USP34: variants seen among roughly 807,000 people sequenced by gnomAD.
USP34 encodes ubiquitin specific peptidase 34.
USP34 carries 70 observed loss-of-function variants against 460.3 expected under a neutral mutation model. That is an observed-to-expected ratio of 0.15 (90% CI 0.13 to 0.19). USP34 has a LOEUF of 0.19. Ranked by LOEUF, USP34 falls within the 10% of genes least tolerant of loss-of-function variation. USP34 has a pLI of 1.00. For missense variants in USP34, 3,985 were observed against 4,236.2 expected (o/e 0.94, Z 1.65); for synonymous variants, 1,647 against 1,405.3 (o/e 1.17, Z -3.85).
At chr2:61,284,839 T>C (rs1689640685) in intron 35 of USP34, 36 bp downstream of exon 35, 2 of 1,512,124 alleles carry the variant, frequency 1.3e-6, no homozygotes, top group South Asian at 1.2e-5. Context: ...ATTCCTGCTA[T>C]ACATACACAC....
intron 10 of USP34, among the ~76,000 whole-genome samples, chr2:61,365,943 C>T (rs1692424654): frequency 1.6e-5 from 1 of 63,808 alleles, no homozygotes; most frequent in African/African-American, 4.5e-5. Flanking sequence ...ACTGGGAACA[C>T]CTATTTATTT....
intron 1 of USP34, among the ~76,000 whole-genome samples, chr2:61,424,862 C>T (rs1694465217): frequency 6.6e-6 from 1 of 152,238 alleles, no homozygotes; most frequent in Admixed American, 6.5e-5. Flanking sequence ...GGGAGTCTCA[C>T]TCTGTCCGCC....
chr2:61,451,317 A>T (rs1052966935), intron 1 of USP34, among the ~76,000 whole-genome samples: 2 of 151,982 alleles, frequency 1.3e-5, no homozygotes, highest in Non-Finnish European at 2.9e-5. Context: ...AAAGTGACTA[A>T]ATTAAAACTA....
At chr2:61,282,790 C>G (rs1192549408) in intron 37 of USP34, among the ~76,000 whole-genome samples, 21 of 151,378 alleles carry the variant, frequency 1.4e-4, no homozygotes. Flanking sequence ...CAGGGAGATT[C>G]TGTCTCAAAG....
At chr2:61,274,195 G>C (rs1689303240) in intron 41 of USP34, among the ~76,000 whole-genome samples, 1 of 151,786 alleles carries the variant, frequency 6.6e-6, no homozygotes, top group Non-Finnish European at 1.5e-5. Flanking sequence ...TTCAAAACCA[G>C]CCTGGCCAAA....
intron 58 of USP34, 98 bp from the exon 59 acceptor site, chr2:61,229,731 G>C: frequency 9.9e-7 from 1 of 1,013,562 alleles, no homozygotes; most frequent in Non-Finnish European, 1.5e-6. Context: ...CCCATTTATA[G>C]TTTGCACAAG....
chr2:61,417,004 TTGG>T (rs561737908), intron 2 of USP34: 2 of 1,329,574 alleles, frequency 1.5e-6, no homozygotes, highest in Non-Finnish European at 2.1e-6. Flanking sequence ...GGCATTGAAC[TTGG>T]TGAAGCCCCA....
chr2:61,429,868 T>C (rs2694616), intron 1 of USP34, among the ~76,000 whole-genome samples: 73,989 of 151,618 alleles, frequency 0.49, 18,828 homozygotes, highest in South Asian at 0.74. Context: ...TCGAGACCAG[T>C]CTGGCCAACA....
chr2:61,373,906 G>T (rs1489762365), intron 8 of USP34, among the ~76,000 whole-genome samples: 1 of 152,144 alleles, frequency 6.6e-6, no homozygotes, highest in East Asian at 1.9e-4. Flanking sequence ...TGTAATCCCA[G>T]CACTTTGGGA....
chr2:61,188,108 A>G lies in USP34; in HGVS notation c.10635T>C (p.Ala3545=). Residue 3545 remains alanine (A), a synonymous_variant, in exon 80 of 80, where the codon GCT becomes GCC. Coordinates refer to ENST00000398571, the MANE Select transcript of USP34 (RefSeq NM_014709.4). The part of the protein sequence containing the change: ...TRISGKGNQA[A]S ...AGACATGCTACACCTAATGTCAAGA[A>G]GCAGCTTGGTTTCCTTTGCCAGATA... The G allele has an allele frequency of 6.2e-7, 1 of 1,611,824 alleles. No homozygotes were observed. Among genetic ancestry groups the G allele is most frequent in the South Asian group, 1.1e-5 (1 of 90,816 alleles).
At chr2:61,410,984 C>G (rs1019000386) in intron 2 of USP34, among the ~76,000 whole-genome samples, 6 of 152,042 alleles carry the variant, frequency 3.9e-5, no homozygotes, top group South Asian at 4.1e-4. Context: ...CCTGCAGGTT[C>G]CCATCCTAAA....
Position 61,223,309 on chromosome 2 carries a change from A to T in USP34, c.7596-13T>A. 6.2e-7 allele frequency: 1 copy of T among 1,611,478 alleles called. No individual in the cohort carries two copies. Among genetic ancestry groups the T allele is most frequent in the Non-Finnish European group, 8.5e-7 (1 of 1,178,974 alleles). ...TAATGTCAAATGCCTGAAAGAAAAT[A>T]TTAGTGGAAATAAGTTTTTCTTCCT... On this transcript the variant is annotated splice_polypyrimidine_tract_variant and intron_variant, in intron 62 of 79. Coordinates refer to ENST00000398571, the MANE Select transcript of USP34 (RefSeq NM_014709.4).
chr2:61,328,478 G>C lies in USP34; in HGVS notation c.2930+2798C>G, dbSNP rs561091682. 1.3e-4 allele frequency among the ~76,000 whole-genome samples: 20 copies of C among 152,178 alleles called. No individual in the cohort carries two copies. The South Asian group carries it at 3.9e-3, about 30-fold the overall frequency. ...GGAAAAAAAATACTGAAATAAGTAT[G>C]CATGAACAAAGAGTAGCAAATGTAC... is the stretch of plus-strand genomic sequence containing the variant. On this transcript the variant is annotated intron_variant, in intron 20 of 79. Coordinates refer to ENST00000398571, the MANE Select transcript of USP34 (RefSeq NM_014709.4).
intron 50 of USP34, 137 bp downstream of exon 50, chr2:61,246,187 G>C: frequency 1.8e-6 from 1 of 562,558 alleles, no homozygotes; most frequent in Non-Finnish European, 2.8e-6. Context: ...ACTGTCTGTT[G>C]AAAGTTATCT....
intron 27 of USP34, among the ~76,000 whole-genome samples, chr2:61,306,179 G>C (rs1452176439): frequency 6.6e-6 from 1 of 152,086 alleles, no homozygotes; most frequent in Admixed American, 6.6e-5. Flanking sequence ...GTATTGCCTA[G>C]GTTTTCTTCT....
intron 48 of USP34, among the ~76,000 whole-genome samples, chr2:61,253,308 T>C (rs1688635583): frequency 1.3e-5 from 2 of 152,212 alleles, no homozygotes; most frequent in Non-Finnish European, 1.5e-5. Context: ...TTATTCCAAT[T>C]AGAGATTCTC....
chr2:61,394,246 G>A (rs1250162723), intron 5 of USP34, among the ~76,000 whole-genome samples: 1 of 152,142 alleles, frequency 6.6e-6, no homozygotes, highest in Admixed American at 6.5e-5. Flanking sequence ...ATCTTCATGT[G>A]TAAGAGAATT....
At chr2:61,296,754 A>T (rs1476967832) in intron 30 of USP34, 46 bp downstream of exon 30, 2 of 1,579,368 alleles carry the variant, frequency 1.3e-6, no homozygotes, top group Admixed American at 3.8e-5. Context: ...TAGGAATGTA[A>T]ACTGGTAACA....
chr2:61,450,700 A>G (rs1407136125), intron 1 of USP34, among the ~76,000 whole-genome samples: 3 of 152,154 alleles, frequency 2.0e-5, no homozygotes, highest in Admixed American at 6.6e-5. Context: ...GAGTACATGT[A>G]AAAAGAAATA....
Sources: gnomAD v4.1 joint callset for allele counts (sites outside exome capture counted in the v4.1 genomes callset) on GRCh38, gnomAD v4.1.1 for gene constraint, MANE v1.5 for transcripts, NCBI Gene and HGNC (gene_info 2026-07-23, HGNC 2026-07-21) for gene names.